PTPRQ: variants seen among roughly 807,000 people sequenced by gnomAD.
The protein encoded by PTPRQ is protein tyrosine phosphatase receptor type Q.
Under a neutral mutation model 246.0 loss-of-function variants are expected in PTPRQ, and 199 were observed. The ratio of observed to expected loss-of-function variants is 0.81; its 90% confidence interval spans 0.72 to 0.91. The LOEUF (loss-of-function observed/expected upper bound fraction) is 0.91. Among genes scored for constraint, PTPRQ ranks in the 40% least tolerant of loss-of-function variants. PTPRQ has a pLI of 0.00. For synonymous variants in PTPRQ, 869 were observed against 853.2 expected, an observed-to-expected ratio of 1.02 and a Z score of -0.32; for missense variants, 2,624 against 2,528.4, an observed-to-expected ratio of 1.04 and a Z score of -0.81.
intron 35 of PTPRQ, among the ~76,000 whole-genome samples, chr12:80,645,259 T>G (rs1387549174): frequency 6.6e-6 from 1 of 152,094 alleles, no homozygotes; most frequent in African/African-American, 2.4e-5. Flanking sequence ...CCTGTTAATT[T>G]ATAACGTTAG....
intron 25 of PTPRQ, among the ~76,000 whole-genome samples, chr12:80,551,942 T>C (rs1565781322): frequency 6.6e-6 from 1 of 152,056 alleles, no homozygotes. Flanking sequence ...TTTAACTGTA[T>C]TATTATTTTC....
intron 6 of PTPRQ, among the ~76,000 whole-genome samples, chr12:80,466,452 A>C (rs1006032390): frequency 1.6e-4 from 25 of 152,220 alleles, no homozygotes; most frequent in Non-Finnish European, 3.2e-4. Context: ...TATAGATTCT[A>C]TGCCATCCCC....
intron 3 of PTPRQ, among the ~76,000 whole-genome samples, chr12:80,448,419 A>C (rs11513908): frequency 0.19 from 28,293 of 152,092 alleles, 2,821 homozygotes; most frequent in Middle Eastern, 0.22. Flanking sequence ...ACATGTGCAC[A>C]ATGTGCAGGT....
At chr12:80,498,100 G>A (rs1412996373) in intron 14 of PTPRQ, among the ~76,000 whole-genome samples, 1 of 152,042 alleles carries the variant, frequency 6.6e-6, no homozygotes, top group Admixed American at 6.6e-5. Flanking sequence ...GAGCCTTGAA[G>A]TGACACTTAA....
chr12:80,543,523 A>G (rs1896216473), intron 23 of PTPRQ, among the ~76,000 whole-genome samples: 1 of 152,042 alleles, frequency 6.6e-6, no homozygotes, highest in Non-Finnish European at 1.5e-5. Context: ...ATTTAAGAAA[A>G]GTTTCTTATT....
In PTPRQ at chr12:80,610,497, T is replaced by C. The variant is rs748689982; in HGVS notation, c.4790T>C (p.Ile1597Thr). 2.6e-6 allele frequency: 4 copies of C among 1,531,904 alleles called. No homozygotes were observed. Among genetic ancestry groups the C allele is most frequent in the African/African-American group, 1.4e-5 (1 of 71,792 alleles). 94.9% of individuals were successfully genotyped at this position (1,531,904 alleles called of 1,614,324 possible). A position where few individuals can be genotyped will look rare whatever the true frequency, so the allele number is the denominator to read the frequency against. Residue 1597 changes from isoleucine to threonine, a missense_variant, in exon 28 of 45, where the codon ATA (isoleucine) becomes ACA (threonine). By Grantham distance (89) the Ile-to-Thr change is moderately conservative (BLOSUM62 -1). Coordinates refer to ENST00000644991, the MANE Select transcript of PTPRQ (RefSeq NM_001145026.2). ...FIKSNEENKTIEIKDLEIFTR... is the reference protein window; with the variant it reads ...FIKSNEENKTTEIKDLEIFTR... ...AAGTCAAATGAAGAAAATAAAACCA[T>C]AGAAATTAAAGATTTAGAAATATTC...
intron 8 of PTPRQ, among the ~76,000 whole-genome samples, chr12:80,480,721 T>C (rs1894013831): frequency 1.3e-5 from 2 of 152,058 alleles, no homozygotes; most frequent in Admixed American, 1.3e-4. Context: ...AAATACAAAC[T>C]ACCATCAGAG....
At chr12:80,446,829 C>T (rs1892569516) in intron 3 of PTPRQ, among the ~76,000 whole-genome samples, 1 of 151,826 alleles carries the variant, frequency 6.6e-6, no homozygotes, top group Admixed American at 6.6e-5. Context: ...ATGATAGATA[C>T]TTAGGTTGAT....
intron 3 of PTPRQ, among the ~76,000 whole-genome samples, chr12:80,448,569 C>T (rs866806535): frequency 3.3e-5 from 5 of 151,346 alleles, no homozygotes; most frequent in Non-Finnish European, 5.9e-5. Context: ...GTTCCCCTTC[C>T]TGTGTCCATG....
chr12:80,494,929 A>G lies in PTPRQ; in HGVS notation c.1541-4A>G. 6.6e-7 allele frequency: 1 copy of G among 1,523,250 alleles called. No homozygotes were observed. Among genetic ancestry groups the G allele is most frequent in the East Asian group, 2.5e-5 (1 of 40,426 alleles). 94.4% of individuals were successfully genotyped at this position (1,523,250 alleles called of 1,614,324 possible). On this transcript the variant is annotated splice_region_variant and splice_polypyrimidine_tract_variant and intron_variant, in intron 10 of 44. Coordinates refer to ENST00000644991, the MANE Select transcript of PTPRQ (RefSeq NM_001145026.2). ...TTTTTTCTCTTTTTACTGAATTCAAACAGTAACTACAAGGAATCAGTATAT... is the reference window on the plus strand; with the variant it reads ...TTTTTTCTCTTTTTACTGAATTCAAGCAGTAACTACAAGGAATCAGTATAT...
chr12:80,629,669 A>T (rs1899347603), intron 33 of PTPRQ, among the ~76,000 whole-genome samples: 2 of 152,114 alleles, frequency 1.3e-5, no homozygotes, highest in Non-Finnish European at 2.9e-5. Flanking sequence ...TCAGTGGGAG[A>T]TGAGGAGGAT....
chr12:80,585,583 G>A (rs1187232533), intron 25 of PTPRQ, among the ~76,000 whole-genome samples: 1 of 152,116 alleles, frequency 6.6e-6, no homozygotes, highest in East Asian at 1.9e-4. Flanking sequence ...CTGGTAGCTT[G>A]TACCAGTCAC....
At chr12:80,557,524 A>G (rs1414062037) in intron 25 of PTPRQ, among the ~76,000 whole-genome samples, 1 of 151,898 alleles carries the variant, frequency 6.6e-6, no homozygotes, top group Non-Finnish European at 1.5e-5. Flanking sequence ...GGCATAGAGC[A>G]AACACCAAGT....
At position 80,649,219 on chromosome 12, in the gene PTPRQ, A is replaced by T. The variant is rs1425146013; in HGVS notation, c.5942+296A>T. On this transcript the variant is annotated intron_variant, in intron 36 of 44. Coordinates refer to ENST00000644991, the MANE Select transcript of PTPRQ (RefSeq NM_001145026.2). ...GAATGAGGTCACTGCAATATTTTAT[A>T]TCTTCTAAAACCTTGTAATGTATAA... 2.0e-5 allele frequency among the ~76,000 whole-genome samples: 3 copies of T among 152,124 alleles called. No individual in the cohort carries two copies. In the East Asian group the frequency reaches 5.8e-4, roughly 29 times the overall value.
chr12:80,521,794 C>A (rs922700272), intron 17 of PTPRQ, among the ~76,000 whole-genome samples: 1 of 152,062 alleles, frequency 6.6e-6, no homozygotes, highest in Admixed American at 6.6e-5. Flanking sequence ...AGTCAGGTAG[C>A]GTGATGCCTC....
chr12:80,566,902 G>T (rs1375725608), intron 25 of PTPRQ, among the ~76,000 whole-genome samples: 1 of 152,162 alleles, frequency 6.6e-6, no homozygotes, highest in South Asian at 2.1e-4. Flanking sequence ...CTACATTAAT[G>T]ATATTTGTTG....
chr12:80,657,061 T>A (rs1191558296), intron 38 of PTPRQ, among the ~76,000 whole-genome samples: 1 of 151,870 alleles, frequency 6.6e-6, no homozygotes, highest in Non-Finnish European at 1.5e-5. Context: ...ATATAAATTT[T>A]TGTACGGCAA....
intron 33 of PTPRQ, among the ~76,000 whole-genome samples, chr12:80,625,212 G>T (rs1305250911): frequency 2.0e-5 from 3 of 152,202 alleles, no homozygotes; most frequent in Admixed American, 1.3e-4. Context: ...ATGACAAAGG[G>T]TGATTGAGTC....
At position 80,679,851 on chromosome 12, in the gene PTPRQ, C is replaced by G. The variant is rs1901259195; in HGVS notation, c.*828C>G. On this transcript the variant is annotated 3_prime_UTR_variant, in exon 45 of 45. Transcript: ENST00000644991. ...TAATATTAACAATTCTGAAGAGTTT[C>G]TTCAGCAAAAATGTATCAAAAGAGT... 1 of 151,874 alleles carries G rather than the reference C, an allele frequency of 6.6e-6. No individual in the cohort carries two copies. Among genetic ancestry groups the G allele is most frequent in the Non-Finnish European group, 1.5e-5 (1 of 67,910 alleles). 9.4% of individuals were successfully genotyped at this position (151,874 alleles called of 1,614,324 possible). A position where few individuals can be genotyped will look rare whatever the true frequency, so the allele number is the denominator to read the frequency against.
Sources: allele counts gnomAD v4.1 joint callset (sites outside exome capture counted in the v4.1 genomes callset), GRCh38; gene constraint gnomAD v4.1.1; transcripts MANE v1.5; gene names NCBI Gene and HGNC (gene_info 2026-07-23, HGNC 2026-07-21).